RBFOX1: variants seen among roughly 807,000 people sequenced by gnomAD.
RBFOX1 encodes the protein RNA binding fox-1 homolog 1.
A neutral mutation model predicts 57.7 loss-of-function variants in RBFOX1; 8 were observed. The observed-to-expected ratio is 0.14, with a 90% CI of 0.08 to 0.25. The LOEUF (loss-of-function observed/expected upper bound fraction) is 0.25. RBFOX1 is among the 10% of genes least tolerant of loss of function. The probability of loss-of-function intolerance (pLI) is 1.00; values close to 1 mark genes in which losing one functional copy is unlikely to be tolerated. For synonymous variants in RBFOX1, 326 were observed against 222.4 expected, an observed-to-expected ratio of 1.47 and a Z score of -4.15; for missense variants, 611 against 548.5, an observed-to-expected ratio of 1.11 and a Z score of -1.14.
chr16:7,400,716 C>T (rs2098227318), intron 4 of RBFOX1, among the ~76,000 whole-genome samples: 1 of 152,128 alleles, frequency 6.6e-6, no homozygotes, highest in African/African-American at 2.4e-5. Flanking sequence ...AATTCTTCTG[C>T]AAAGCACAGT....
chr16:7,607,198 T>G (rs1782942756), intron 9 of RBFOX1, 87 bp from the exon 10 acceptor site: 2 of 1,256,814 alleles, frequency 1.6e-6, no homozygotes, highest in Non-Finnish European at 2.3e-6. Flanking sequence ...ATGAGATACT[T>G]TAACCCATTT....
chr16:5,821,890 C>G (rs80065638), intron 3 of RBFOX1, among the ~76,000 whole-genome samples: 1 of 152,122 alleles, frequency 6.6e-6, no homozygotes, highest in African/African-American at 2.4e-5. Flanking sequence ...TTATAAGGCA[C>G]GGAGCCTTCA....
chr16:6,079,328 G>A (rs987262553), intron 1 of RBFOX1, among the ~76,000 whole-genome samples: 3 of 151,808 alleles, frequency 2.0e-5, no homozygotes, highest in African/African-American at 7.3e-5. Flanking sequence ...AAAATAAATA[G>A]GGAGATAGGG....
chr16:5,829,666 C>T lies in RBFOX1; in HGVS notation c.319-37637C>T, dbSNP rs79495698. On this transcript the variant is annotated intron_variant, in intron 3 of 19. Coordinates refer to the RBFOX1 transcript ENST00000641259. ...CCATGGGCTGTGTAGATCTGCTGTC[C>T]ATGAGCCAGGCATTGACGCAAGAGA... Among the ~76,000 whole-genome samples the T allele has an allele frequency of 5.7e-4, 71 of 125,194 alleles. 2 individuals carry two copies. The East Asian group carries it at 0.016, about 29-fold the overall frequency. 82.1% of individuals were successfully genotyped at this position (125,194 alleles called of 152,430 possible).
At chr16:5,816,457 C>T (rs745475199) in intron 3 of RBFOX1, among the ~76,000 whole-genome samples, 14 of 152,138 alleles carry the variant, frequency 9.2e-5, no homozygotes, top group Admixed American at 5.2e-4. Flanking sequence ...CCCCAAATTC[C>T]ATAGCCTCTC....
intron 3 of RBFOX1, among the ~76,000 whole-genome samples, chr16:6,994,300 T>C (rs1212288424): frequency 6.6e-6 from 1 of 152,180 alleles, no homozygotes; most frequent in Non-Finnish European, 1.5e-5. Context: ...GCCATCTTCA[T>C]CTTAAATGCA....
At chr16:5,858,668 G>T (rs1173140850) in intron 3 of RBFOX1, among the ~76,000 whole-genome samples, 1 of 152,220 alleles carries the variant, frequency 6.6e-6, no homozygotes, top group African/African-American at 2.4e-5. Flanking sequence ...GAGTTATTAA[G>T]AGAAACCTTG....
At chr16:7,582,032 C>A (rs989623348) in intron 6 of RBFOX1, among the ~76,000 whole-genome samples, 2 of 150,972 alleles carry the variant, frequency 1.3e-5, no homozygotes, top group African/African-American at 2.4e-5. Flanking sequence ...CAGCACCCCC[C>A]CCCCCCCTTT....
At chr16:7,078,863 CTTTTTTTTTTTT>C (rs57410575) in intron 4 of RBFOX1, among the ~76,000 whole-genome samples, 4 of 52,738 alleles carry the variant, frequency 7.6e-5, no homozygotes, top group African/African-American at 3.1e-4. Context: ...ATATATATAC[CTTTTTTTTTTTT>C]TTTTTTTTTT....
chr16:5,769,183 C>G (rs1190119340), intron 3 of RBFOX1, among the ~76,000 whole-genome samples: 1 of 152,094 alleles, frequency 6.6e-6, no homozygotes, highest in Non-Finnish European at 1.5e-5. Context: ...ATGAATATGT[C>G]ATCAACTAAA....
intron 4 of RBFOX1, among the ~76,000 whole-genome samples, chr16:7,193,121 C>G (rs980790665): frequency 4.6e-5 from 7 of 152,124 alleles, no homozygotes; most frequent in African/African-American, 1.4e-4. Context: ...ATCGGTTGGC[C>G]TTGAGATAGG....
intron 3 of RBFOX1, among the ~76,000 whole-genome samples, chr16:6,813,344 A>T (rs2089246388): frequency 6.6e-6 from 1 of 152,166 alleles, no homozygotes; most frequent in Non-Finnish European, 1.5e-5. Context: ...CATTCATGTA[A>T]CTGCCTTCAG....
intron 3 of RBFOX1, among the ~76,000 whole-genome samples, chr16:5,778,283 G>A (rs1423580865): frequency 1.3e-5 from 2 of 152,070 alleles, no homozygotes; most frequent in Non-Finnish European, 2.9e-5. Context: ...GCTTCACAGG[G>A]CCCCAGAGTT....
intron 4 of RBFOX1, among the ~76,000 whole-genome samples, chr16:7,116,008 G>A (rs1190244457): frequency 1.3e-5 from 2 of 152,164 alleles, no homozygotes; most frequent in Non-Finnish European, 2.9e-5. Flanking sequence ...TAACCATTGT[G>A]CCAGGCACTG....
intron 2 of RBFOX1, among the ~76,000 whole-genome samples, chr16:5,532,803 A>C (rs1254506824): frequency 6.6e-6 from 1 of 152,116 alleles, no homozygotes; most frequent in Non-Finnish European, 1.5e-5. Context: ...GTGGGTTGTG[A>C]GGCAGAGAGA....
chr16:6,468,313 G>T (rs1177095675), intron 2 of RBFOX1, among the ~76,000 whole-genome samples: 1 of 152,246 alleles, frequency 6.6e-6, no homozygotes, highest in South Asian at 2.1e-4. Context: ...TTGGCAGAAT[G>T]GCAAGGCTAC....
intron 9 of RBFOX1, among the ~76,000 whole-genome samples, chr16:7,602,673 CG>C (rs1305190775): frequency 5.3e-5 from 8 of 152,048 alleles, no homozygotes; most frequent in Non-Finnish European, 1.2e-4. Context: ...TACATAAGCC[CG>C]CATGAGCTCT....
chr16:5,433,721 C>T (rs568526073), intron 1 of RBFOX1, among the ~76,000 whole-genome samples: 4 of 152,350 alleles, frequency 2.6e-5, no homozygotes, highest in African/African-American at 9.6e-5. Flanking sequence ...TGCTTTCCCT[C>T]TCCTTTCCTC....
At chr16:5,894,463 T>C (rs777593065) in intron 4 of RBFOX1, among the ~76,000 whole-genome samples, 11 of 151,886 alleles carry the variant, frequency 7.2e-5, no homozygotes, top group Non-Finnish European at 1.3e-4. Flanking sequence ...TTAGTAGAGA[T>C]AGGGTTTTGC....
Sources: allele counts gnomAD v4.1 joint callset (sites outside exome capture counted in the v4.1 genomes callset), GRCh38; gene constraint gnomAD v4.1.1; transcripts MANE v1.5; gene names NCBI Gene and HGNC (gene_info 2026-07-23, HGNC 2026-07-21).